The following VRK1 variants were observed in gnomAD, a reference collection of about 807,000 sequenced individuals.
VRK1 encodes the protein VRK serine/threonine kinase 1, also known as serine/threonine-protein kinase VRK1.
Under a neutral mutation model 57.1 loss-of-function variants are expected in VRK1, and 33 were observed. The ratio of observed to expected loss-of-function variants is 0.58; its 90% CI spans 0.44 to 0.77. The LOEUF (loss-of-function observed/expected upper bound fraction) is 0.77, where lower values mean the gene tolerates loss of function less well. Among genes scored for constraint, VRK1 ranks in the 30% least tolerant of loss-of-function variants. The pLI, the probability that VRK1 is intolerant of heterozygous loss-of-function variation, is 0.00. For missense variants in VRK1, 413 were observed against 477.3 expected (o/e 0.87, Z 1.25); for synonymous variants, 137 against 147.8 (o/e 0.93, Z 0.53).
intron 7 of VRK1, among the ~76,000 whole-genome samples, chr14:96,853,797 C>A (rs1012330446): frequency 1.3e-5 from 2 of 151,916 alleles, no homozygotes; most frequent in African/African-American, 2.4e-5. Context: ...TCTGTGATTT[C>A]GGTGAAAGTA....
chr14:96,808,022 T>TCTCTCTCTCTCTCC (rs1566683641), intron 1 of VRK1, among the ~76,000 whole-genome samples: 5 of 46,090 alleles, frequency 1.1e-4, no homozygotes, highest in East Asian at 2.7e-3. Context: ...TCCCTCTGTG[T>TCTCTCTCTCTCTCC]GTGTGTGTGT....
intron 12 of VRK1, among the ~76,000 whole-genome samples, chr14:96,878,134 C>G (rs540871386): frequency 4.0e-5 from 6 of 151,804 alleles, no homozygotes; most frequent in Non-Finnish European, 8.8e-5. Flanking sequence ...AAGTACAATG[C>G]GAGTTAAGGT....
At chr14:96,831,702 A>T (rs1440371351) in intron 1 of VRK1, among the ~76,000 whole-genome samples, 3 of 152,182 alleles carry the variant, frequency 2.0e-5, no homozygotes, top group Non-Finnish European at 4.4e-5. Flanking sequence ...TCCAGTCACT[A>T]TTTTGAGATA....
chr14:96,798,205 T>C (rs1885517716), intron 1 of VRK1, among the ~76,000 whole-genome samples: 1 of 152,238 alleles, frequency 6.6e-6, no homozygotes, highest in Non-Finnish European at 1.5e-5. Flanking sequence ...CAGTTCCTCC[T>C]CATTCTGTCC....
intron 12 of VRK1, among the ~76,000 whole-genome samples, chr14:96,878,159 A>G (rs1889115731): frequency 1.3e-5 from 2 of 152,212 alleles, no homozygotes; most frequent in African/African-American, 4.8e-5. Context: ...TACTATCAAA[A>G]TAATCATAAG....
chr14:96,809,401 A>G (rs990164101), intron 1 of VRK1, among the ~76,000 whole-genome samples: 3 of 152,118 alleles, frequency 2.0e-5, no homozygotes, highest in Non-Finnish European at 4.4e-5. Flanking sequence ...AGGTATTTGA[A>G]TAGTTTCTAT....
intron 11 of VRK1, among the ~76,000 whole-genome samples, chr14:96,874,670 G>GTTCCTAATTTTCCTAATTTTCTCT: frequency 6.6e-6 from 1 of 152,276 alleles, no homozygotes; most frequent in East Asian, 1.9e-4. Context: ...GGAACATGGT[G>GTTCCTAATTTTCCTAATTTTCTCT]GGTATCTCTG....
Position 96,808,658 on chromosome 14 carries a change from CTTTT to C in VRK1, c.-6+11225_-6+11228del, listed in dbSNP as rs372103145. ...TGTAAATGGAATAATGCCCTCTGGA[CTTTT>C]TTTTTTTTTTTTTGCTTGACTTCTT... On this transcript the variant is annotated intron_variant, in intron 1 of 12. Transcript: ENST00000216639. Among the ~76,000 whole-genome samples the C allele has an allele frequency of 3.7e-3, 455 of 121,872 alleles. 1 individual carries two copies. The highest frequency in any genetic ancestry group is 0.011 in the African/African-American group (371 of 33,406). 80.0% of individuals were successfully genotyped at this position (121,872 alleles called of 152,430 possible).
intron 1 of VRK1, among the ~76,000 whole-genome samples, chr14:96,814,154 T>C (rs1886307009): frequency 6.6e-6 from 1 of 152,214 alleles, no homozygotes; most frequent in Non-Finnish European, 1.5e-5. Flanking sequence ...CAAAAATAAG[T>C]GATCATATTA....
chr14:96,825,451 T>G (rs1886764223), intron 1 of VRK1, among the ~76,000 whole-genome samples: 1 of 152,164 alleles, frequency 6.6e-6, no homozygotes, highest in African/African-American at 2.4e-5. Flanking sequence ...TGGGGAAAAA[T>G]ACTAAACTTT....
At chr14:96,846,517 A>C (rs1887700178) in intron 4 of VRK1, among the ~76,000 whole-genome samples, 1 of 152,142 alleles carries the variant, frequency 6.6e-6, no homozygotes, top group South Asian at 2.1e-4. Flanking sequence ...TGTCTCTTAG[A>C]TCTTGATTTC....
chr14:96,801,148 G>T (rs1004143289), intron 1 of VRK1, among the ~76,000 whole-genome samples: 1 of 152,140 alleles, frequency 6.6e-6, no homozygotes, highest in Non-Finnish European at 1.5e-5. Flanking sequence ...AGATATGTCT[G>T]CTCTAGACTT....
intron 11 of VRK1, 158 bp downstream of exon 11, chr14:96,860,893 G>T: frequency 1.6e-6 from 1 of 620,968 alleles, no homozygotes; most frequent in South Asian, 2.8e-5. Context: ...GTAGAGGGTT[G>T]TAGAAAAATA....
In VRK1 at chr14:96,860,688, C is replaced by G. The variant is rs139734064; in HGVS notation, c.1021C>G (p.Leu341Val). 1.2e-6 allele frequency: 2 copies of G among 1,613,232 alleles called. No homozygotes were observed. The highest frequency in any genetic ancestry group is 1.7e-6 in the Non-Finnish European group (2 of 1,179,508). ...AAGTAAGGATGATGGCAAATTGGACCTCAGTGTTGTGGAGAATGGAGGTTT... is the reference window on the plus strand; with the variant it reads ...AAGTAAGGATGATGGCAAATTGGACGTCAGTGTTGTGGAGAATGGAGGTTT... ...IGSKDDGKLD[L>V]SVVENGGLKA... Residue 341 changes from leucine (L) to valine (V), a missense_variant, in exon 11 of 13, where the codon CTC becomes GTC. Physicochemically the swap from Leu to Val is conservative, Grantham distance 32 (BLOSUM62 1). This residue lies in a region of VRK1 where 146 missense variants were observed against 138.2 expected (regional missense o/e 1.06). Coordinates refer to ENST00000216639, the MANE Select transcript of VRK1 (RefSeq NM_003384.3).
intron 1 of VRK1, among the ~76,000 whole-genome samples, chr14:96,812,743 GT>G (rs1242895457): frequency 6.6e-6 from 1 of 152,118 alleles, no homozygotes; most frequent in African/African-American, 2.4e-5. Context: ...GCCCTTTTAT[GT>G]TTTCTTGGCA....
At chr14:96,822,365 G>T (rs574987116) in intron 1 of VRK1, among the ~76,000 whole-genome samples, 2 of 152,046 alleles carry the variant, frequency 1.3e-5, no homozygotes, top group East Asian at 1.9e-4. Context: ...TTTAAGAGGG[G>T]TGTAGCATGG....
At chr14:96,817,732 T>C (rs1355088027) in intron 1 of VRK1, among the ~76,000 whole-genome samples, 1 of 152,236 alleles carries the variant, frequency 6.6e-6, no homozygotes, top group East Asian at 1.9e-4. Context: ...CTAAATAGAA[T>C]GAATGAGAAA....
chr14:96,858,425 A>G (rs1161780770), intron 10 of VRK1, among the ~76,000 whole-genome samples: 2 of 151,972 alleles, frequency 1.3e-5, no homozygotes, highest in African/African-American at 4.8e-5. Context: ...TAGTTTCCTC[A>G]TTGTCATTTC....
At chr14:96,829,734 C>T (rs28635274) in intron 1 of VRK1, among the ~76,000 whole-genome samples, 7,129 of 152,104 alleles carry the variant, frequency 0.047, 189 homozygotes, top group Non-Finnish European at 0.063. Flanking sequence ...CGTATGTTAT[C>T]CCATTTTTTG....
Sources: allele counts gnomAD v4.1 joint callset (sites outside exome capture counted in the v4.1 genomes callset), GRCh38; gene constraint gnomAD v4.1.1; regional missense constraint gnomAD v4.1.1; transcripts MANE v1.5; gene names NCBI Gene and HGNC (gene_info 2026-07-23, HGNC 2026-07-21).